The following PNP variants were observed in gnomAD, a reference collection of about 807,000 sequenced individuals.
PNP encodes HEL-S-156an.
Under a neutral mutation model 26.8 loss-of-function variants are expected in PNP, and 18 were observed. The ratio of observed to expected loss-of-function variants is 0.67; its 90% CI spans 0.46 to 1.00. The LOEUF (loss-of-function observed/expected upper bound fraction) is 1.00. Among genes scored for constraint, PNP ranks in the 50% least tolerant of loss-of-function variants. The pLI, the probability that PNP is intolerant of heterozygous loss-of-function variation, is 0.00. For missense variants in PNP, 320 were observed against 362.9 expected (o/e 0.88, Z 0.96); for synonymous variants, 116 against 124.8 (o/e 0.93, Z 0.47).
At chr14:20,474,672 T>C (rs1566525478) in intron 3 of PNP, 97 bp downstream of exon 3, 3 of 1,550,738 alleles carry the variant, frequency 1.9e-6, no homozygotes, top group East Asian at 2.2e-5. Context: ...GGTGGATTTT[T>C]GGTCCTCTCC....
intron 1 of PNP, among the ~76,000 whole-genome samples, chr14:20,471,379 T>C (rs982181623): frequency 6.6e-6 from 1 of 151,634 alleles, no homozygotes; most frequent in African/African-American, 2.4e-5. Flanking sequence ...CAAAATTACA[T>C]GGGCTTCAGA....
At chr14:20,474,605 C>A in intron 3 of PNP, 30 bp downstream of exon 3, 1 of 1,593,338 alleles carries the variant, frequency 6.3e-7, no homozygotes, top group South Asian at 1.1e-5. Flanking sequence ...CCGGTTGGAT[C>A]TGGAAGAGGC....
chr14:20,474,736 A>C, intron 3 of PNP, 37 bp from the exon 4 acceptor site: 2 of 1,608,878 alleles, frequency 1.2e-6, no homozygotes, highest in Non-Finnish European at 1.7e-6. Flanking sequence ...GAATTAATGA[A>C]ATTTTGTAAA....
At chr14:20,472,727 A>C (rs1882014017) in intron 2 of PNP, 1 of 557,114 alleles carries the variant, frequency 1.8e-6, no homozygotes, top group South Asian at 2.2e-5. Flanking sequence ...GCCAGGTGAC[A>C]GGGGCCAAGT....
At chr14:20,476,320 A>G in intron 5 of PNP, 64 bp from the exon 6 acceptor site, 2 of 1,298,452 alleles carry the variant, frequency 1.5e-6, no homozygotes, top group African/African-American at 1.5e-5. Flanking sequence ...AAGCGAGGCT[A>G]AAGGGCAAGG....
At chr14:20,475,359 T>A in intron 5 of PNP, 107 bp downstream of exon 5, 3 of 947,908 alleles carry the variant, frequency 3.2e-6, no homozygotes, top group Non-Finnish European at 4.7e-6. Flanking sequence ...AGGATCTGAT[T>A]TCAGGGAAGG....
At position 20,476,496 on chromosome 14, in the gene PNP, C is replaced by T; in HGVS notation, c.765C>T (p.Ala255=). ...TGGATTATGAAAGCCTGGAGAAGGC[C>T]AACCATGAAGAAGTCTTAGCAGCTG... ...VIMDYESLEK[A]NHEEVLAAGK... is the part of the protein sequence containing the mutation. The change falls in exon 6 of 6, where the codon GCC becomes GCT. Residue 255 remains alanine, a synonymous_variant. Coordinates refer to ENST00000361505, the MANE Select transcript of PNP (RefSeq NM_000270.4). 5 of 1,614,120 alleles carry T rather than the reference C, an allele frequency of 3.1e-6. No individual in the cohort carries two copies. Among genetic ancestry groups the T allele is most frequent in the Non-Finnish European group, 4.2e-6 (5 of 1,180,004 alleles).
Position 20,474,585 on chromosome 14 carries a change from A to G in PNP, c.285+10A>G, listed in dbSNP as rs1713420. On this transcript the variant is annotated intron_variant, in intron 3 of 5. Coordinates refer to ENST00000361505, the MANE Select transcript of PNP (RefSeq NM_000270.4). ...GTACCCACTCTGGAAGGTAAGTCAGAGGGATAGGTCCGGTTGGATCTGGAA... is the reference window on the plus strand; with the variant it reads ...GTACCCACTCTGGAAGGTAAGTCAGGGGGATAGGTCCGGTTGGATCTGGAA... The G allele has an allele frequency of 0.2, 326,956 of 1,609,246 alleles. 34,698 individuals carry two copies. Among genetic ancestry groups the G allele is most frequent in the African/African-American group, 0.32 (24,082 of 74,822 alleles).
rs1316908133 is a variant in PNP, at chr14:20,476,890, A to T, written c.*289A>T. 1 of 436,624 alleles carries T rather than the reference A, an allele frequency of 2.3e-6. No individual in the cohort carries two copies. Among genetic ancestry groups the T allele is most frequent in the South Asian group, 2.1e-5 (1 of 47,718 alleles). 27.0% of individuals were successfully genotyped at this position (436,624 alleles called of 1,614,324 possible). ...AGCTGGAGCCCGTGCCCTACCACAC[A>T]TCTGTGGAGATGCCCAGGATTTGAC... On this transcript the variant is annotated 3_prime_UTR_variant, in exon 6 of 6. Transcript: ENST00000361505.
chr14:20,472,354 C>T lies in PNP; in HGVS notation c.58C>T (p.His20Tyr), dbSNP rs2139335191. The change falls in exon 2 of 6, where the codon CAC becomes TAC. Residue 20 changes from histidine to tyrosine, a missense_variant. By Grantham distance (83) the His-to-Tyr change is moderately conservative. Transcript: ENST00000361505. Reference protein sequence around the residue: ...YKNTAEWLLSHTKHRPQVAII... With the variant: ...YKNTAEWLLSYTKHRPQVAII... ...GAACACTGCAGAATGGCTTCTGTCTCACACTAAGCACCGACCTCAAGTTGC... is the reference window on the plus strand; with the variant it reads ...GAACACTGCAGAATGGCTTCTGTCTTACACTAAGCACCGACCTCAAGTTGC... The T allele has an allele frequency of 6.2e-7, 1 of 1,613,782 alleles. No individual in the cohort carries two copies. Among genetic ancestry groups the T allele is most frequent in the South Asian group, 1.1e-5 (1 of 91,076 alleles).
chr14:20,470,005 AC>A (rs1881953002), intron 1 of PNP, among the ~76,000 whole-genome samples: 2 of 152,012 alleles, frequency 1.3e-5, no homozygotes, highest in African/African-American at 4.8e-5. Context: ...AAGATTACTC[AC>A]CTCCTTTGCC....
chr14:20,472,788 T>C (rs751307215), intron 2 of PNP: 2 of 335,372 alleles, frequency 6.0e-6, no homozygotes, highest in African/African-American at 4.2e-5. Context: ...AATAACTAAC[T>C]TCTGTTGGTT....
intron 5 of PNP, among the ~76,000 whole-genome samples, 187 bp downstream of exon 5, chr14:20,475,439 C>T (rs1044128025): frequency 3.3e-5 from 5 of 152,166 alleles, no homozygotes; most frequent in African/African-American, 1.2e-4. Flanking sequence ...CCCTACGAAG[C>T]ACCAAGGGGT....
intron 1 of PNP, among the ~76,000 whole-genome samples, chr14:20,470,253 G>A (rs186420144): frequency 7.5e-4 from 114 of 152,338 alleles, no homozygotes; most frequent in Admixed American, 1.9e-3. Flanking sequence ...TGTTCTTGAG[G>A]GGACTGATAG....
intron 5 of PNP, among the ~76,000 whole-genome samples, chr14:20,475,578 G>A (rs376650739): frequency 9.2e-5 from 14 of 151,888 alleles, no homozygotes; most frequent in African/African-American, 2.2e-4. Context: ...TCCGCCTCCC[G>A]GGTTCAAGCA....
In PNP at chr14:20,476,993, A is replaced by T. The variant is rs1341150641; in HGVS notation, c.*392A>T. The T allele has an allele frequency of 6.5e-6, 2 of 306,940 alleles. No individual in the cohort carries two copies. Among genetic ancestry groups the T allele is most frequent in the East Asian group, 1.6e-4 (2 of 12,616 alleles). The allele number at this position is 306,940 out of a possible 1,614,324, so 19.0% of individuals were successfully genotyped here. ...ATTCCGAGGGGCTCAGTTCTGCCTT[A>T]TCTAAATCACCAGAGACCAAACAAG... On this transcript the variant is annotated 3_prime_UTR_variant, in exon 6 of 6. Transcript: ENST00000361505.
Position 20,472,495 on chromosome 14 carries a change from TG to T in PNP, c.181+22del. 6.2e-7 allele frequency: 1 copy of T among 1,610,522 alleles called. No individual in the cohort carries two copies. Among genetic ancestry groups the T allele is most frequent in the Non-Finnish European group, 8.5e-7 (1 of 1,176,952 alleles). On this transcript the variant is annotated intron_variant, in intron 2 of 5. Transcript: ENST00000361505. The stretch of plus-strand genomic sequence containing the variant: ...AAGTACAGGTACTGGCAAGGGAAAG[TG>T]GGGAATGGGACTGAGGGATGTTCTT...
chr14:20,475,235 T>G lies in PNP; in HGVS notation c.635T>G (p.Leu212Arg). 1.2e-6 allele frequency: 2 copies of G among 1,612,928 alleles called. No homozygotes were observed. Among genetic ancestry groups the G allele is most frequent in the Non-Finnish European group, 1.7e-6 (2 of 1,179,106 alleles). The change falls in exon 5 of 6, where the codon CTG (leucine) becomes CGG (arginine). Residue 212 changes from leucine (L) to arginine (R), a missense_variant. Leu to Arg is a moderately radical substitution (Grantham distance 102, BLOSUM62 -2). Transcript: ENST00000361505. The stretch of plus-strand genomic sequence containing the variant: ...GCAGAATGTCGTGTGCTGCAGAAGC[T>G]GGGAGCAGACGCTGTTGGTGAGAAG... ...TVAECRVLQKLGADAVGMSTV... is the reference protein window; with the variant it reads ...TVAECRVLQKRGADAVGMSTV...
In PNP at chr14:20,469,554, C is replaced by A. The variant is rs1881939628; in HGVS notation, c.11+19C>A. ...AGAACGGGTGAGGAGGGCACCAGGC[C>A]CGCAGGACCCTTGGGGAGGGGCAGG... On this transcript the variant is annotated intron_variant, in intron 1 of 5. Transcript: ENST00000361505. 1.4e-5 allele frequency: 21 copies of A among 1,554,664 alleles called. No individual in the cohort carries two copies. The highest frequency in any genetic ancestry group is 1.7e-5 in the Non-Finnish European group (19 of 1,149,236).
Sources: gnomAD v4.1 joint callset for allele counts (sites outside exome capture counted in the v4.1 genomes callset) on GRCh38, gnomAD v4.1.1 for gene constraint, MANE v1.5 for transcripts, NCBI Gene and HGNC (gene_info 2026-07-23, HGNC 2026-07-21) for gene names.